DHRS7B: variants seen among roughly 807,000 people sequenced by gnomAD.
DHRS7B encodes dehydrogenase/reductase 7B, also known as peroxisomal reductase activating PPAR-gamma.
A neutral mutation model predicts 26.4 loss-of-function variants in DHRS7B; 24 were observed. The observed-to-expected ratio is 0.91, with a 90% CI of 0.66 to 1.28. The LOEUF (loss-of-function observed/expected upper bound fraction) is 1.28, where lower values mean the gene tolerates loss of function less well. DHRS7B is among the 50% of genes most tolerant of loss of function. The probability of loss-of-function intolerance (pLI) is 0.00; values close to 1 mark genes in which losing one functional copy is unlikely to be tolerated. For missense variants in DHRS7B, 368 were observed against 419.4 expected (o/e 0.88, Z 1.07); for synonymous variants, 142 against 166.4 (o/e 0.85, Z 1.13).
chr17:21,178,391 T>C (rs764479723), intron 3 of DHRS7B, 49 bp downstream of exon 3: 3 of 1,487,734 alleles, frequency 2.0e-6, no homozygotes, highest in Non-Finnish European at 2.8e-6. Context: ...GGCCGTCTTC[T>C]GTAGGCACTG....
intron 1 of DHRS7B, among the ~76,000 whole-genome samples, chr17:21,134,440 C>T (rs1973300676): frequency 1.3e-5 from 2 of 152,276 alleles, no homozygotes; most frequent in Non-Finnish European, 1.5e-5. Context: ...CAAGATAAAC[C>T]TGGGGCTTCT....
chr17:21,169,115 A>G lies in DHRS7B; in HGVS notation c.21-2903A>G, dbSNP rs9910575. Among the ~76,000 whole-genome samples, 396 of 152,206 alleles carry G rather than the reference A, an allele frequency of 2.6e-3. 1 individual carries two copies. Among genetic ancestry groups the G allele is most frequent in the African/African-American group, 9.0e-3 (375 of 41,504 alleles). ...CTGCTTTGCTGGCCTTGATAACCAC[A>G]TTTTCTAACACAAAACTTGGGACAT... is the stretch of plus-strand genomic sequence containing the variant. On this transcript the variant is annotated intron_variant, in intron 1 of 6. Coordinates refer to ENST00000395511, the MANE Select transcript of DHRS7B (RefSeq NM_015510.5).
At chr17:21,133,890 G>A (rs1332365129) in intron 1 of DHRS7B, among the ~76,000 whole-genome samples, 1 of 152,128 alleles carries the variant, frequency 6.6e-6, no homozygotes, top group African/African-American at 2.4e-5. Flanking sequence ...ACATTAGTAG[G>A]CAGGTATGAA....
chr17:21,179,717 A>G (rs1008735793), intron 3 of DHRS7B, among the ~76,000 whole-genome samples: 1 of 150,376 alleles, frequency 6.6e-6, no homozygotes, highest in Admixed American at 6.6e-5. Context: ...CTTATAAGAT[A>G]TGTGATTTGC....
At chr17:21,144,379 T>G (rs1284719966) in intron 1 of DHRS7B, among the ~76,000 whole-genome samples, 1 of 152,212 alleles carries the variant, frequency 6.6e-6, no homozygotes, top group East Asian at 1.9e-4. Context: ...TTACTCCAAA[T>G]AAGTTGCTCC....
At chr17:21,180,073 CT>C (rs59348588) in intron 3 of DHRS7B, among the ~76,000 whole-genome samples, 46,009 of 121,790 alleles carry the variant, frequency 0.38, 8,038 homozygotes, top group African/African-American at 0.45. Context: ...AGCCCACTTT[CT>C]TTTTTTTTTT....
intron 1 of DHRS7B, among the ~76,000 whole-genome samples, chr17:21,150,105 TAAAAAAAAAAA>T (rs61516968): frequency 6.0e-5 from 3 of 50,074 alleles, no homozygotes; most frequent in African/African-American, 2.3e-4. Flanking sequence ...CATCTCTATT[TAAAAAAAAAAA>T]AAAAAAAAAA....
At chr17:21,168,859 A>G in intron 1 of DHRS7B, 2 of 985,476 alleles carry the variant, frequency 2.0e-6, no homozygotes, top group Non-Finnish European at 2.4e-6. Context: ...ATGTTGTGTC[A>G]GGTGCTCAAG....
chr17:21,178,285 G>C lies in DHRS7B; in HGVS notation c.252G>C (p.Arg84=). The change falls in exon 3 of 7, where the codon CGG becomes CGC. Residue 84 remains arginine, a synonymous_variant. Transcript: ENST00000395511. ...AAGAKLVLCG[R]NGGALEELIR... is the part of the protein sequence containing the mutation. ...GTGCTAAACTGGTGCTCTGTGGCCG[G>C]AATGGTGGGGCCCTAGAAGAGCTCA... 1 of 1,614,236 alleles carries C rather than the reference G, an allele frequency of 6.2e-7. No homozygotes were observed. The highest frequency in any genetic ancestry group is 8.5e-7 in the Non-Finnish European group (1 of 1,180,048).
chr17:21,169,660 C>T (rs1053128462), intron 1 of DHRS7B, among the ~76,000 whole-genome samples: 4 of 152,184 alleles, frequency 2.6e-5, no homozygotes, highest in African/African-American at 9.6e-5. Context: ...CGACAGGCTG[C>T]ATACTTGGCT....
intron 3 of DHRS7B, among the ~76,000 whole-genome samples, chr17:21,179,155 G>A (rs922149488): frequency 7.2e-5 from 11 of 151,880 alleles, no homozygotes; most frequent in Non-Finnish European, 1.2e-4. Context: ...GTCTCACTAT[G>A]TTGCCCAGAT....
intron 1 of DHRS7B, among the ~76,000 whole-genome samples, chr17:21,169,948 T>A (rs1294176062): frequency 2.6e-5 from 4 of 152,038 alleles, no homozygotes; most frequent in Non-Finnish European, 4.4e-5. Context: ...GGTCCTACCC[T>A]GAGACCTACC....
chr17:21,143,769 T>C (rs1973580497), intron 1 of DHRS7B, among the ~76,000 whole-genome samples: 1 of 152,248 alleles, frequency 6.6e-6, no homozygotes, highest in Non-Finnish European at 1.5e-5. Flanking sequence ...TTGTAGTTAT[T>C]GCTGACTGCT....
chr17:21,165,236 T>A (rs1974085198), intron 1 of DHRS7B, among the ~76,000 whole-genome samples: 1 of 152,042 alleles, frequency 6.6e-6, no homozygotes, highest in Non-Finnish European at 1.5e-5. Flanking sequence ...GTCAGTGCCT[T>A]GTCCAGTTTC....
At chr17:21,132,111 C>T (rs148913790) in intron 1 of DHRS7B, among the ~76,000 whole-genome samples, 2 of 152,112 alleles carry the variant, frequency 1.3e-5, no homozygotes, top group African/African-American at 2.4e-5. Context: ...GATCAGCAGC[C>T]TCTGGAACTA....
chr17:21,166,408 G>A, intron 1 of DHRS7B: 7 of 985,356 alleles, frequency 7.1e-6, no homozygotes, highest in Non-Finnish European at 8.4e-6. Flanking sequence ...TCTGGCCCAG[G>A]TCAAAAGACC....
chr17:21,180,845 C>A (rs192716355), intron 3 of DHRS7B, among the ~76,000 whole-genome samples: 5 of 135,820 alleles, frequency 3.7e-5, no homozygotes, highest in Admixed American at 1.4e-4. Context: ...GCAAAAACTG[C>A]CAGTGGGATT....
chr17:21,183,816 A>G lies in DHRS7B; in HGVS notation c.526+6A>G. ...CCCAGTTGCTCTAACGAAAGGTAACAGTCTTGAGAAAAGAGCAGTGATAAG... is the reference window on the plus strand; with the variant it reads ...CCCAGTTGCTCTAACGAAAGGTAACGGTCTTGAGAAAAGAGCAGTGATAAG... On this transcript the variant is annotated splice_donor_region_variant and intron_variant, in intron 4 of 6. Transcript: ENST00000395511. 6.2e-7 allele frequency: 1 copy of G among 1,612,646 alleles called. No homozygotes were observed. The highest frequency in any genetic ancestry group is 1.3e-5 in the African/African-American group (1 of 75,042).
Position 21,188,872 on chromosome 17 carries a change from C to G in DHRS7B, c.772+9C>G, listed in dbSNP as rs774363342. On this transcript the variant is annotated intron_variant, in intron 6 of 6. Coordinates refer to ENST00000395511, the MANE Select transcript of DHRS7B (RefSeq NM_015510.5). ...TGGATCTAGGTATGGAGGTGAGGCCCGGTTTCTCTTTTCTCCTATGAAAAT... is the reference window on the plus strand; with the variant it reads ...TGGATCTAGGTATGGAGGTGAGGCCGGGTTTCTCTTTTCTCCTATGAAAAT... The G allele has an allele frequency of 3.5e-5, 56 of 1,613,940 alleles. No homozygotes were observed. In the East Asian group the frequency reaches 1.2e-3, roughly 36 times the overall value.
Sources: gnomAD v4.1 joint callset for allele counts (sites outside exome capture counted in the v4.1 genomes callset) on GRCh38, gnomAD v4.1.1 for gene constraint, MANE v1.5 for transcripts, NCBI Gene and HGNC (gene_info 2026-07-23, HGNC 2026-07-21) for gene names.